The following PCSK5 variants were observed in gnomAD, a reference collection of about 807,000 sequenced individuals.
PCSK5 encodes the protein proprotein convertase subtilisin/kexin type 5, also known as prohormone convertase 5.
PCSK5 carries 129 observed loss-of-function variants against 233.2 expected under a neutral mutation model. The ratio of observed to expected loss-of-function variants is 0.55; its 90% CI spans 0.48 to 0.64. The LOEUF (loss-of-function observed/expected upper bound fraction) is 0.64, where lower values mean the gene tolerates loss of function less well. PCSK5 is among the 30% of genes least tolerant of loss of function. The pLI is 0.00. For synonymous variants in PCSK5, 825 were observed against 879.2 expected, an observed-to-expected ratio of 0.94 and a Z score of 1.09; for missense variants, 2,076 against 2,430.1, an observed-to-expected ratio of 0.85 and a Z score of 3.06.
At chr9:76,265,766 G>T (rs953550627) in intron 24 of PCSK5, among the ~76,000 whole-genome samples, 1 of 152,158 alleles carries the variant, frequency 6.6e-6, no homozygotes, top group Non-Finnish European at 1.5e-5. Flanking sequence ...AAAAATGTAT[G>T]TATAATATAT....
intron 2 of PCSK5, among the ~76,000 whole-genome samples, chr9:75,944,213 A>G (rs533479249): frequency 6.6e-6 from 1 of 150,718 alleles, no homozygotes; most frequent in Non-Finnish European, 1.5e-5. Flanking sequence ...ATATACATAT[A>G]TATATAAATA....
At chr9:75,938,804 G>C (rs544753012) in intron 2 of PCSK5, among the ~76,000 whole-genome samples, 4 of 152,292 alleles carry the variant, frequency 2.6e-5, no homozygotes, top group African/African-American at 9.6e-5. Flanking sequence ...TTCTTGGGCA[G>C]GTCTCTTTCC....
intron 16 of PCSK5, among the ~76,000 whole-genome samples, 194 bp from the exon 17 acceptor site, chr9:76,184,478 TC>T (rs1824011757): frequency 6.6e-6 from 1 of 152,184 alleles, no homozygotes; most frequent in African/African-American, 2.4e-5. Context: ...TAAGGTGTTT[TC>T]CAGTGTTACA....
intron 24 of PCSK5, among the ~76,000 whole-genome samples, chr9:76,259,418 C>T (rs1827091620): frequency 6.6e-6 from 1 of 151,428 alleles, no homozygotes; most frequent in Non-Finnish European, 1.5e-5. Context: ...GGCTTATCCT[C>T]AGCACCCAAT....
chr9:76,118,111 A>C (rs924540317), intron 9 of PCSK5, among the ~76,000 whole-genome samples: 1 of 152,000 alleles, frequency 6.6e-6, no homozygotes, highest in Non-Finnish European at 1.5e-5. Context: ...ATTGTGCTAA[A>C]ATTCTCAAGC....
chr9:76,050,554 G>A (rs1269827520), intron 5 of PCSK5, among the ~76,000 whole-genome samples: 2 of 152,108 alleles, frequency 1.3e-5, no homozygotes, highest in African/African-American at 4.8e-5. Context: ...ATCAGTTCAG[G>A]TGTAAGGAGG....
At chr9:76,297,001 G>A in intron 27 of PCSK5, 136 bp downstream of exon 27, 2 of 639,116 alleles carry the variant, frequency 3.1e-6, no homozygotes, top group Non-Finnish European at 5.6e-6. Context: ...TGAGAATCAA[G>A]TTGGGATCGT....
Position 76,175,286 on chromosome 9 carries a change from C to CGAATT in PCSK5, c.1900+161_1900+162insTGAAT, listed in dbSNP as rs760081310. On this transcript the variant is annotated intron_variant, in intron 14 of 37. Transcript: ENST00000674117. ...GGAATGGAATGGAATCGAATCGAAT[C>CGAATT]GAATCGAATAGAATAGAATAGAATA... The CGAATT allele has an allele frequency of 9.2e-6, 5 of 542,016 alleles. No individual in the cohort carries two copies. In the African/African-American group the frequency reaches 1.4e-4, roughly 15 times the overall value. The allele number at this position is 542,016 out of a possible 1,614,324, so 33.6% of individuals were successfully genotyped here. A position where few individuals can be genotyped will look rare whatever the true frequency, so the allele number is the denominator to read the frequency against.
At chr9:76,090,198 T>C (rs1831228649) in intron 7 of PCSK5, among the ~76,000 whole-genome samples, 1 of 152,162 alleles carries the variant, frequency 6.6e-6, no homozygotes, top group African/African-American at 2.4e-5. Context: ...CAAGATTCTT[T>C]TCTCTTCATA....
intron 35 of PCSK5, among the ~76,000 whole-genome samples, chr9:76,348,024 A>C (rs951686426): frequency 6.6e-6 from 1 of 152,062 alleles, no homozygotes; most frequent in Non-Finnish European, 1.5e-5. Context: ...TAATCCCAGC[A>C]CTTTGGGAGG....
chr9:75,939,084 G>T (rs1824186892), intron 2 of PCSK5, among the ~76,000 whole-genome samples: 1 of 152,080 alleles, frequency 6.6e-6, no homozygotes, highest in African/African-American at 2.4e-5. Flanking sequence ...TCCAAAGAAG[G>T]AAATGCAAAA....
chr9:76,161,444 C>CTTTTTTTTTTTT (rs57216482), intron 12 of PCSK5, among the ~76,000 whole-genome samples: 1 of 146,540 alleles, frequency 6.8e-6, no homozygotes, highest in Non-Finnish European at 1.5e-5. Flanking sequence ...TTATTTCTTG[C>CTTTTTTTTTTTT]TTTTTTTTTT....
At chr9:76,117,402 G>C (rs938567802) in intron 9 of PCSK5, among the ~76,000 whole-genome samples, 1 of 152,080 alleles carries the variant, frequency 6.6e-6, no homozygotes, top group Non-Finnish European at 1.5e-5. Flanking sequence ...GGTAAGAGTA[G>C]GAAAGGATGA....
In PCSK5 at chr9:76,292,623, G is replaced by A. The variant is rs1038472839; in HGVS notation, c.3185+348G>A. Among the ~76,000 whole-genome samples the A allele has an allele frequency of 4.6e-5, 7 of 152,254 alleles. No homozygotes were observed. The East Asian group carries it at 5.8e-4, about 13-fold the overall frequency. On this transcript the variant is annotated intron_variant, in intron 25 of 37. Transcript: ENST00000674117. ...TTGCAAACGTCTGCATGGATACTGC[G>A]TCCTTAACCAGAGCGAAGGCTCCAG...
At chr9:76,175,408 CAT>C (rs1823567608) in intron 14 of PCSK5, 6 of 439,238 alleles carry the variant, frequency 1.4e-5, no homozygotes, top group Middle Eastern at 5.7e-4. Flanking sequence ...TCAGTGCACT[CAT>C]ATATTCAAAT....
At chr9:76,158,901 GTATT>G in intron 11 of PCSK5, 78 bp from the exon 12 acceptor site, 1 of 1,137,672 alleles carries the variant, frequency 8.8e-7, no homozygotes, top group Non-Finnish European at 1.3e-6. Flanking sequence ...CTTACATTGT[GTATT>G]TATTCCATGC....
intron 2 of PCSK5, among the ~76,000 whole-genome samples, chr9:75,970,434 G>A (rs558758666): frequency 3.0e-4 from 45 of 152,122 alleles, no homozygotes; most frequent in Middle Eastern, 3.4e-3. Context: ...GAATTCTTTC[G>A]CCTGTTTAGG....
chr9:76,141,348 CA>C (rs760836278), intron 10 of PCSK5, among the ~76,000 whole-genome samples: 1 of 151,972 alleles, frequency 6.6e-6, no homozygotes, highest in African/African-American at 2.4e-5. Context: ...TTATTTAAAA[CA>C]AAAAAATTCA....
chr9:76,244,563 G>GTT (rs3077122), intron 24 of PCSK5, among the ~76,000 whole-genome samples: 11,866 of 66,450 alleles, frequency 0.18, 621 homozygotes, highest in Admixed American at 0.24. Context: ...AAATCCTGGG[G>GTT]TTTTTTTTTT....
Sources: allele counts gnomAD v4.1 joint callset (sites outside exome capture counted in the v4.1 genomes callset), GRCh38; gene constraint gnomAD v4.1.1; transcripts MANE v1.5; gene names NCBI Gene and HGNC (gene_info 2026-07-23, HGNC 2026-07-21).